The following ADGRL2 variants were observed in gnomAD, a reference collection of about 807,000 sequenced individuals.
ADGRL2 encodes calcium-independent alpha-latrotoxin receptor 2.
ADGRL2 carries 44 observed loss-of-function variants against 157.4 expected under a neutral mutation model. That is an observed-to-expected ratio of 0.28 (90% CI 0.22 to 0.36). The LOEUF (loss-of-function observed/expected upper bound fraction) is 0.36, where lower values mean the gene tolerates loss of function less well. Among genes scored for constraint, ADGRL2 ranks in the 10% least tolerant of loss-of-function variants. The pLI is 1.00. For synonymous variants in ADGRL2, 585 were observed against 624.7 expected (o/e 0.94, Z 0.95); for missense variants, 1,510 against 1,768.9 (o/e 0.85, Z 2.63).
intron 1 of ADGRL2, among the ~76,000 whole-genome samples, chr1:81,709,559 A>T (rs1415638201): frequency 3.3e-5 from 5 of 150,292 alleles, no homozygotes; most frequent in Non-Finnish European, 5.9e-5. Context: ...AACAAAAAAA[A>T]CCTTAGTGTT....
intron 3 of ADGRL2, among the ~76,000 whole-genome samples, chr1:81,693,921 T>C (rs1460761635): frequency 6.6e-6 from 1 of 152,170 alleles, no homozygotes; most frequent in Non-Finnish European, 1.5e-5. Flanking sequence ...AGCTAGGCCC[T>C]GGAGGTAAGC....
intron 1 of ADGRL2, among the ~76,000 whole-genome samples, chr1:81,354,931 A>G (rs1248854369): frequency 2.0e-5 from 3 of 152,168 alleles, no homozygotes; most frequent in Non-Finnish European, 4.4e-5. Context: ...TCTGCCCTTC[A>G]TCTTTTCCAG....
intron 17 of ADGRL2, among the ~76,000 whole-genome samples, chr1:81,979,073 A>G (rs963520595): frequency 6.6e-6 from 1 of 151,612 alleles, no homozygotes; most frequent in African/African-American, 2.4e-5. Flanking sequence ...CAAATTACCA[A>G]CCTTTGTCTC....
In ADGRL2 at chr1:81,801,655, TGTG is replaced by T. The variant is rs547718279; in HGVS notation, c.-101+588_-101+590del. On this transcript the variant is annotated intron_variant, in intron 1 of 23. Transcript: ENST00000686636. Reference sequence around the variant, plus strand: ...TCAGCCCCGGCCGGGAGATCCGAAATGTGAGGAGGGGTCGCCGCCGCCTCCCGC... The same window carrying T: ...TCAGCCCCGGCCGGGAGATCCGAAATAGGAGGGGTCGCCGCCGCCTCCCGC... Among the ~76,000 whole-genome samples, 1,319 of 152,148 alleles carry T rather than the reference TGTG, an allele frequency of 8.7e-3. 10 individuals are homozygous for T. Among genetic ancestry groups the T allele is most frequent in the Middle Eastern group, 0.02 (6 of 294 alleles).
intron 2 of ADGRL2, among the ~76,000 whole-genome samples, chr1:81,574,151 G>A (rs928156761): frequency 2.0e-5 from 3 of 149,958 alleles, no homozygotes; most frequent in East Asian, 2.0e-4. Flanking sequence ...TGCAAAATAA[G>A]CCTAAGGGAA....
chr1:81,431,555 G>A (rs2077321087), intron 1 of ADGRL2, among the ~76,000 whole-genome samples: 1 of 152,168 alleles, frequency 6.6e-6, no homozygotes, highest in Admixed American at 6.5e-5. Context: ...CACTTTCAGG[G>A]TTATGATGGA....
intron 1 of ADGRL2, among the ~76,000 whole-genome samples, chr1:81,438,907 C>T (rs985067684): frequency 6.6e-6 from 1 of 152,142 alleles, no homozygotes; most frequent in Non-Finnish European, 1.5e-5. Flanking sequence ...CAAGTTCCAG[C>T]TGCCTAAGGG....
At chr1:81,694,551 A>G (rs1376893991) in intron 3 of ADGRL2, among the ~76,000 whole-genome samples, 2 of 152,056 alleles carry the variant, frequency 1.3e-5, no homozygotes, top group East Asian at 3.8e-4. Context: ...ATATAATTCA[A>G]AGCACTTATT....
At chr1:81,413,746 C>A (rs2076988161) in intron 1 of ADGRL2, among the ~76,000 whole-genome samples, 1 of 152,176 alleles carries the variant, frequency 6.6e-6, no homozygotes, top group Non-Finnish European at 1.5e-5. Context: ...CACTATCAGA[C>A]AGCTTCTCAT....
chr1:81,407,111 A>G (rs762266356), intron 1 of ADGRL2, among the ~76,000 whole-genome samples: 28 of 152,200 alleles, frequency 1.8e-4, no homozygotes, highest in Admixed American at 1.3e-4. Flanking sequence ...AGAGAAGTTC[A>G]TTGCTACCAT....
chr1:81,629,436 A>C (rs1452421820), intron 3 of ADGRL2, among the ~76,000 whole-genome samples: 2 of 152,246 alleles, frequency 1.3e-5, no homozygotes, highest in East Asian at 1.9e-4. Flanking sequence ...AAATCTATTT[A>C]GTGGGTCATG....
chr1:81,464,933 G>GAAAAAAAAAAAAAAAAGAAGGAGA (rs199573052), intron 2 of ADGRL2, among the ~76,000 whole-genome samples: 1 of 138,786 alleles, frequency 7.2e-6, no homozygotes, highest in Non-Finnish European at 1.5e-5. Context: ...CCACCAGGGA[G>GAAAAAAAAAAAAAAAAGAAGGAGA]AAAAAAAAAA....
intron 1 of ADGRL2, among the ~76,000 whole-genome samples, chr1:81,718,506 A>G (rs977376590): frequency 6.6e-6 from 1 of 152,152 alleles, no homozygotes; most frequent in African/African-American, 2.4e-5. Context: ...TACAAAGCCC[A>G]TTTATATGAG....
intron 1 of ADGRL2, among the ~76,000 whole-genome samples, chr1:81,413,523 T>G (rs765310507): frequency 1.4e-4 from 22 of 152,178 alleles, no homozygotes; most frequent in Non-Finnish European, 2.9e-4. Flanking sequence ...AATACAATAT[T>G]CTATTAAGAA....
chr1:81,658,773 T>G (rs146544905), intron 3 of ADGRL2, among the ~76,000 whole-genome samples: 2 of 152,078 alleles, frequency 1.3e-5, no homozygotes, highest in African/African-American at 4.8e-5. Context: ...TCTTTTGAGA[T>G]GAAATCTTGC....
At chr1:81,523,200 C>A (rs1436826218) in intron 2 of ADGRL2, among the ~76,000 whole-genome samples, 3 of 152,138 alleles carry the variant, frequency 2.0e-5, no homozygotes, top group Non-Finnish European at 2.9e-5. Context: ...TTATCCTTAA[C>A]TTTACCTGTA....
chr1:81,312,687 C>A (rs1196331070), intron 1 of ADGRL2, among the ~76,000 whole-genome samples: 2 of 152,092 alleles, frequency 1.3e-5, no homozygotes, highest in African/African-American at 4.8e-5. Flanking sequence ...TTTTGATTAG[C>A]AAGTGAAAAG....
chr1:81,435,770 G>A (rs1442512951), intron 1 of ADGRL2, among the ~76,000 whole-genome samples: 1 of 152,088 alleles, frequency 6.6e-6, no homozygotes, highest in Non-Finnish European at 1.5e-5. Context: ...TGGGAAAGAT[G>A]GAAGCTAGAA....
At chr1:81,537,775 C>T (rs1291842027) in intron 2 of ADGRL2, among the ~76,000 whole-genome samples, 1 of 151,398 alleles carries the variant, frequency 6.6e-6, no homozygotes, top group Non-Finnish European at 1.5e-5. Flanking sequence ...TCTCGGCTCA[C>T]TGCAACCTCC....
Sources: allele counts gnomAD v4.1 joint callset (sites outside exome capture counted in the v4.1 genomes callset), GRCh38; gene constraint gnomAD v4.1.1; transcripts MANE v1.5; gene names NCBI Gene and HGNC (gene_info 2026-07-23, HGNC 2026-07-21).